MPP4: variants seen among roughly 807,000 people sequenced by gnomAD.
MPP4 encodes the protein MAGUK p55 scaffold protein 4.
MPP4 carries 91 observed loss-of-function variants against 98.3 expected under a neutral mutation model. That is an observed-to-expected ratio of 0.93 (90% CI 0.78 to 1.10). The LOEUF (loss-of-function observed/expected upper bound fraction) is 1.10. Among genes scored for constraint, MPP4 ranks in the 50% least tolerant of loss-of-function variants. MPP4 has a pLI of 0.00. For missense variants in MPP4, 744 were observed against 792.9 expected (o/e 0.94, Z 0.74); for synonymous variants, 261 against 271.8 (o/e 0.96, Z 0.39).
At chr2:201,681,070 G>A in intron 9 of MPP4, 36 bp from the exon 10 acceptor site, 2 of 1,586,072 alleles carry the variant, frequency 1.3e-6, no homozygotes, top group Non-Finnish European at 1.7e-6. Flanking sequence ...ATCAGAAGGT[G>A]CCTAATGGTG....
At chr2:201,647,563 C>G in intron 21 of MPP4, 128 bp downstream of exon 21, 1 of 970,130 alleles carries the variant, frequency 1.0e-6, no homozygotes, top group South Asian at 2.3e-5. Context: ...TATTGAGGGC[C>G]TTTTGGAGAG....
At chr2:201,652,074 A>G (rs1419190011) in intron 18 of MPP4, 1 of 910,806 alleles carries the variant, frequency 1.1e-6, no homozygotes, top group Non-Finnish European at 1.3e-6. Context: ...TTCAGAAAGC[A>G]CAGCCTATAG....
intron 14 of MPP4, among the ~76,000 whole-genome samples, chr2:201,661,109 C>CG (rs1688013125): frequency 6.6e-6 from 1 of 151,750 alleles, no homozygotes; most frequent in South Asian, 2.1e-4. Flanking sequence ...TTAGTAGAGA[C>CG]GGGGTTTCAT....
intron 11 of MPP4, among the ~76,000 whole-genome samples, chr2:201,674,303 C>A (rs151133771): frequency 5.8e-4 from 88 of 152,246 alleles, no homozygotes; most frequent in Non-Finnish European, 4.1e-4. Context: ...TCAGGTGTCA[C>A]CAAGATAAGA....
Position 201,681,182 on chromosome 2 carries a change from G to GGA in MPP4, c.733-150_733-149dup, listed in dbSNP as rs1355884351. On this transcript the variant is annotated intron_variant, in intron 9 of 21. Transcript: ENST00000409474. ...CTTTCCTCTCCACCCTCACCAAAAA[G>GGA]GAGAACTCGCCTCCTGAGCCTAAGT... The GGA allele has an allele frequency of 3.6e-6, 3 of 827,396 alleles. No homozygotes were observed. The African/African-American group carries it at 5.2e-5, about 14-fold the overall frequency. 51.3% of individuals were successfully genotyped at this position (827,396 alleles called of 1,614,324 possible).
At chr2:201,679,230 T>C (rs560635824) in intron 10 of MPP4, among the ~76,000 whole-genome samples, 21 of 152,190 alleles carry the variant, frequency 1.4e-4, no homozygotes, top group African/African-American at 4.8e-4. Context: ...TTATAATCTG[T>C]CCCTTGGCCC....
chr2:201,657,846 C>T (rs1440096374), intron 16 of MPP4, among the ~76,000 whole-genome samples: 2 of 151,988 alleles, frequency 1.3e-5, no homozygotes, highest in Non-Finnish European at 2.9e-5. Context: ...CTTCACCCTG[C>T]TCATGCTCCT....
At chr2:201,676,871 GCCT>G (rs1329736559) in intron 10 of MPP4, among the ~76,000 whole-genome samples, 1 of 152,206 alleles carries the variant, frequency 6.6e-6, no homozygotes, top group Non-Finnish European at 1.5e-5. Context: ...CTGCACTCCA[GCCT>G]GGTGACAGAG....
intron 4 of MPP4, among the ~76,000 whole-genome samples, chr2:201,687,930 G>A (rs918899000): frequency 8.5e-5 from 13 of 152,148 alleles, no homozygotes; most frequent in South Asian, 2.1e-4. Flanking sequence ...CTCTGCTGTG[G>A]TTTAGGCGTA....
At chr2:201,669,855 T>G (rs1160592205) in intron 11 of MPP4, 105 bp from the exon 12 acceptor site, 1 of 857,116 alleles carries the variant, frequency 1.2e-6, no homozygotes, top group African/African-American at 1.8e-5. Flanking sequence ...GTGCAAAAAT[T>G]ATTGTAATTA....
At chr2:201,660,252 A>G (rs2105919725) in intron 15 of MPP4, 80 bp downstream of exon 15, 1 of 1,242,086 alleles carries the variant, frequency 8.1e-7, no homozygotes, top group Non-Finnish European at 1.2e-6. Flanking sequence ...AACATTATCC[A>G]GTCAAGTATT....
intron 20 of MPP4, among the ~76,000 whole-genome samples, chr2:201,649,170 C>T (rs79085883): frequency 0.025 from 3,804 of 152,170 alleles, 152 homozygotes; most frequent in East Asian, 0.18. Flanking sequence ...TTTATCTTAC[C>T]TTAACTTGCT....
rs201910298 is a variant in MPP4 at position 201,680,899 on chromosome 2, G to A, written c.868C>T (p.Arg290Ter). Reference protein sequence around the residue: ...DQNDALWWQARKISDPATCAG... With the variant: ...DQNDALWWQA Reference sequence around the variant, plus strand: ...CAGGTAGCAGGGTCTGAGATTTTTCGGGCCTGCCACCAGAGGGCATCATTC... The same window carrying A: ...CAGGTAGCAGGGTCTGAGATTTTTCAGGCCTGCCACCAGAGGGCATCATTC... The change falls in exon 10 of 22, where the codon CGA becomes TGA. Residue 290 changes from arginine to a stop codon, truncating the protein, a stop_gained. Transcript: ENST00000409474. LOFTEE classifies it high-confidence loss of function. 111 of 1,613,536 alleles carry A rather than the reference G, an allele frequency of 6.9e-5. No individual in the cohort carries two copies. Among genetic ancestry groups the A allele is most frequent in the Non-Finnish European group, 8.7e-5 (103 of 1,179,794 alleles).
At chr2:201,677,538 CA>C in intron 10 of MPP4, among the ~76,000 whole-genome samples, 2 of 152,226 alleles carry the variant, frequency 1.3e-5, no homozygotes, top group East Asian at 1.9e-4. Context: ...AAAACCAAAA[CA>C]AAACCCCCCC....
intron 3 of MPP4, among the ~76,000 whole-genome samples, chr2:201,691,814 G>A (rs1230327510): frequency 6.6e-6 from 1 of 152,076 alleles, no homozygotes; most frequent in Non-Finnish European, 1.5e-5. Flanking sequence ...CCATCACACT[G>A]GGCCAGAAGA....
At chr2:201,660,246 T>A in intron 15 of MPP4, 86 bp downstream of exon 15, 1 of 1,226,272 alleles carries the variant, frequency 8.2e-7, no homozygotes, top group Non-Finnish European at 1.2e-6. Context: ...ATCTTAAACA[T>A]TATCCAGTCA....
At chr2:201,652,613 A>C (rs976751769) in intron 18 of MPP4, among the ~76,000 whole-genome samples, 5 of 152,218 alleles carry the variant, frequency 3.3e-5, no homozygotes, top group African/African-American at 1.2e-4. Context: ...CATAATCATC[A>C]AAATTATAAA....
At chr2:201,667,897 C>T (rs146717886) in intron 12 of MPP4, among the ~76,000 whole-genome samples, 21 of 152,190 alleles carry the variant, frequency 1.4e-4, no homozygotes, top group East Asian at 7.7e-4. Context: ...CACAGATAAA[C>T]GAGTGGCATG....
chr2:201,692,896 A>G lies in MPP4; in HGVS notation c.201+12T>C. 6.2e-7 allele frequency: 1 copy of G among 1,604,636 alleles called. No homozygotes were observed. Among genetic ancestry groups the G allele is most frequent in the Non-Finnish European group, 8.5e-7 (1 of 1,175,714 alleles). ...TCAGCAAGCAAAGGCTTCCGAGCAA[A>G]GAAGCACTCACCTTTAGCAGAGCCT... On this transcript the variant is annotated intron_variant, in intron 3 of 21. Transcript: ENST00000409474.
Sources: allele counts gnomAD v4.1 joint callset (sites outside exome capture counted in the v4.1 genomes callset), GRCh38; gene constraint gnomAD v4.1.1; transcripts MANE v1.5; gene names NCBI Gene and HGNC (gene_info 2026-07-23, HGNC 2026-07-21).